CFAP100: variants seen among roughly 807,000 people sequenced by gnomAD.
The protein encoded by CFAP100 is cilia- and flagella-associated protein 100.
Under a neutral mutation model 81.5 loss-of-function variants are expected in CFAP100, and 70 were observed. That is an observed-to-expected ratio of 0.86 (90% CI 0.71 to 1.05). The LOEUF is 1.05. Among genes scored for constraint, CFAP100 ranks in the 50% least tolerant of loss-of-function variants. The probability of loss-of-function intolerance (pLI) is 0.00; values close to 1 mark genes in which losing one functional copy is unlikely to be tolerated. For synonymous variants in CFAP100, 341 were observed against 314.8 expected (o/e 1.08, Z -0.88); for missense variants, 811 against 776.5 (o/e 1.04, Z -0.53).
chr3:126,397,577 T>C (rs991949248), intron 2 of CFAP100, among the ~76,000 whole-genome samples: 2 of 152,202 alleles, frequency 1.3e-5, no homozygotes, highest in African/African-American at 4.8e-5. Flanking sequence ...CCCTGTGGCA[T>C]TGGTAATTCC....
rs757858397 is a variant in CFAP100, at chr3:126,434,266, C to A, written c.1513C>A (p.Gln505Lys). The A allele has an allele frequency of 2.5e-6, 4 of 1,613,920 alleles. No homozygotes were observed. Among genetic ancestry groups the A allele is most frequent in the Non-Finnish European group, 3.4e-6 (4 of 1,180,030 alleles). ...TQQEANLGTV[Q>K]MLTIIEHQLD... is the part of the protein sequence containing the mutation. ...GCAGGAGGCCAACCTGGGCACCGTG[C>A]AGATGCTGACCATCATTGAGCACCA... The change falls in exon 15 of 17, where the codon CAG (glutamine) becomes AAG (lysine). Residue 505 changes from glutamine (Q) to lysine (K), a missense_variant. Physicochemically the swap from Gln to Lys is moderately conservative, Grantham distance 53. Transcript: ENST00000352312.
chr3:126,435,799 G>GC, intron 16 of CFAP100, 147 bp downstream of exon 16: 1 of 619,760 alleles, frequency 1.6e-6, no homozygotes, highest in Non-Finnish European at 2.8e-6. Context: ...TCGGAGCAAG[G>GC]CCTCTCCCAG....
intron 15 of CFAP100, 174 bp downstream of exon 15, chr3:126,434,555 G>C: frequency 1.5e-6 from 1 of 652,592 alleles, no homozygotes. Flanking sequence ...ACAGTCAAGT[G>C]GGGGGTGGTT....
In CFAP100 at chr3:126,419,922, C is replaced by T. The variant is rs370650576; in HGVS notation, c.914-58C>T. 5.2e-5 allele frequency: 84 copies of T among 1,611,978 alleles called. No homozygotes were observed. In the African/African-American group the frequency reaches 9.6e-4, roughly 18 times the overall value. On this transcript the variant is annotated intron_variant, in intron 9 of 16. Coordinates refer to ENST00000352312, the MANE Select transcript of CFAP100 (RefSeq NM_182628.3). ...ACCTGCAGGCATCTGGGCCACATGG[C>T]GTTGCTGAAGCTTGGCTGCAGCTGA...
chr3:126,435,779 C>T (rs1318208740), intron 16 of CFAP100, 127 bp downstream of exon 16: 6 of 717,216 alleles, frequency 8.4e-6, no homozygotes, highest in Non-Finnish European at 9.1e-6. Context: ...CTGAGGGAGA[C>T]AGGCTGCCTT....
At chr3:126,416,872 T>C (rs1350431768) in intron 5 of CFAP100, 2 of 173,660 alleles carry the variant, frequency 1.2e-5, no homozygotes, top group African/African-American at 4.9e-5. Context: ...AATTGTTCTA[T>C]TTTTATTAGT....
chr3:126,418,547 G>C (rs2083277530), intron 6 of CFAP100, 22 bp downstream of exon 6: 1 of 1,613,978 alleles, frequency 6.2e-7, no homozygotes, highest in Non-Finnish European at 8.5e-7. Context: ...GGCCCCCAGA[G>C]CGATGGATGC....
chr3:126,405,138 C>T (rs2083044396), intron 2 of CFAP100, among the ~76,000 whole-genome samples: 1 of 152,190 alleles, frequency 6.6e-6, no homozygotes, highest in Non-Finnish European at 1.5e-5. Context: ...AACCTCCTCC[C>T]CATTCCCCCT....
At chr3:126,434,533 T>C in intron 15 of CFAP100, 152 bp downstream of exon 15, 2 of 722,052 alleles carry the variant, frequency 2.8e-6, no homozygotes, top group South Asian at 3.9e-5. Context: ...TGGGGGGATC[T>C]AGAGGGGCAT....
chr3:126,424,245 C>T (rs1288785419), intron 13 of CFAP100, among the ~76,000 whole-genome samples: 1 of 152,198 alleles, frequency 6.6e-6, no homozygotes, highest in Non-Finnish European at 1.5e-5. Context: ...TGCCATCCTG[C>T]AGGCTGGGGC....
chr3:126,430,835 C>T (rs1446145622), intron 13 of CFAP100, among the ~76,000 whole-genome samples: 2 of 151,794 alleles, frequency 1.3e-5, no homozygotes, highest in Non-Finnish European at 2.9e-5. Context: ...AGTTGCCTAT[C>T]TGTGTTGTCT....
Position 126,414,127 on chromosome 3 carries a change from G to A in CFAP100, c.173G>A (p.Gly58Glu). 6.2e-7 allele frequency: 1 copy of A among 1,614,140 alleles called. No homozygotes were observed. The highest frequency in any genetic ancestry group is 8.5e-7 in the Non-Finnish European group (1 of 1,180,014). The change falls in exon 4 of 17, where the codon GGG becomes GAG. Residue 58 changes from glycine (G) to glutamate (E), a missense_variant. Physicochemically the swap from Gly to Glu is moderately conservative, Grantham distance 98 (BLOSUM62 -2). Coordinates refer to ENST00000352312, the MANE Select transcript of CFAP100 (RefSeq NM_182628.3). ...TCAGCGAACCCTTTCCACTTATCTG[G>A]GGATGTGGATTTCTTCTTGCTCAGA... ...DPSANPFHLS[G>E]DVDFFLLRDQ...
intron 13 of CFAP100, among the ~76,000 whole-genome samples, chr3:126,430,855 C>T (rs1291180598): frequency 6.6e-6 from 1 of 152,022 alleles, no homozygotes; most frequent in Non-Finnish European, 1.5e-5. Flanking sequence ...TTACAGTTCA[C>T]TGGGAGTCTA....
chr3:126,436,210 C>G (rs917029760), intron 16 of CFAP100, 81 bp from the exon 17 acceptor site: 15 of 1,077,090 alleles, frequency 1.4e-5, no homozygotes, highest in Non-Finnish European at 2.0e-5. Context: ...GCTGCTGGGC[C>G]TCTCCCTGCA....
At chr3:126,421,893 C>T (rs915620025) in intron 11 of CFAP100, among the ~76,000 whole-genome samples, 4 of 152,254 alleles carry the variant, frequency 2.6e-5, no homozygotes, top group African/African-American at 9.6e-5. Flanking sequence ...GGGACATTTC[C>T]AGTTCTGCGT....
intron 5 of CFAP100, 93 bp from the exon 6 acceptor site, chr3:126,418,365 C>T (rs1449892457): frequency 8.8e-7 from 1 of 1,142,466 alleles, no homozygotes; most frequent in Non-Finnish European, 1.3e-6. Flanking sequence ...AAAGCAGTGG[C>T]CAGCAGCCGG....
At chr3:126,403,738 C>T (rs905938877) in intron 2 of CFAP100, among the ~76,000 whole-genome samples, 2 of 152,124 alleles carry the variant, frequency 1.3e-5, no homozygotes, top group African/African-American at 4.8e-5. Context: ...TTTCCTATCT[C>T]TCCTGAATTA....
intron 15 of CFAP100, 148 bp downstream of exon 15, chr3:126,434,529 G>A: frequency 1.3e-6 from 1 of 753,840 alleles, no homozygotes; most frequent in Non-Finnish European, 2.1e-6. Context: ...GTCTTGGGGG[G>A]ATCTAGAGGG....
rs1028362042 is a variant in CFAP100 at position 126,427,144 on chromosome 3, C to A, written c.1286+3500C>A. Among the ~76,000 whole-genome samples, 3 of 152,304 alleles carry A rather than the reference C, an allele frequency of 2.0e-5. No individual in the cohort carries two copies. The East Asian group carries it at 5.8e-4, about 29-fold the overall frequency. Reference sequence around the variant, plus strand: ...CAAGAAGTTACTTTGTAGTTACTGACAAACTGATTCTGGAGTTTATATGAA... The same window carrying A: ...CAAGAAGTTACTTTGTAGTTACTGAAAAACTGATTCTGGAGTTTATATGAA... On this transcript the variant is annotated intron_variant, in intron 13 of 16. Transcript: ENST00000352312.
Sources: gnomAD v4.1 joint callset for allele counts (sites outside exome capture counted in the v4.1 genomes callset) on GRCh38, gnomAD v4.1.1 for gene constraint, MANE v1.5 for transcripts, NCBI Gene and HGNC (gene_info 2026-07-23, HGNC 2026-07-21) for gene names.